Variants in AUTS2 observed in about 807,000 individuals in gnomAD.
AUTS2 encodes autism susceptibility gene 2 protein.
In AUTS2, 17 loss-of-function variants were observed where a neutral mutation model predicts 112.4. That is an observed-to-expected ratio of 0.15 (90% confidence interval 0.10 to 0.23). The LOEUF (loss-of-function observed/expected upper bound fraction) is 0.23. Ranked by LOEUF, AUTS2 falls within the 10% of genes least tolerant of loss-of-function variation. The pLI is 1.00. For synonymous variants in AUTS2, 751 were observed against 702.7 expected (o/e 1.07, Z -1.09); for missense variants, 1,510 against 1,701.6 (o/e 0.89, Z 1.98).
At chr7:70,224,852 C>T (rs1224309296) in intron 4 of AUTS2, among the ~76,000 whole-genome samples, 2 of 152,172 alleles carry the variant, frequency 1.3e-5, no homozygotes, top group East Asian at 1.9e-4. Flanking sequence ...GTTACAGTTG[C>T]CTACAGTATT....
chr7:70,700,756 G>A (rs1051225713), intron 6 of AUTS2, among the ~76,000 whole-genome samples: 2 of 152,172 alleles, frequency 1.3e-5, no homozygotes, highest in Non-Finnish European at 2.9e-5. Flanking sequence ...CTCCTTATAG[G>A]CTTGTGGTTT....
chr7:70,603,883 A>G (rs1803598479), intron 5 of AUTS2, among the ~76,000 whole-genome samples: 1 of 152,088 alleles, frequency 6.6e-6, no homozygotes, highest in African/African-American at 2.4e-5. Flanking sequence ...ATTGAGGACT[A>G]GCAGCCAGGT....
intron 2 of AUTS2, among the ~76,000 whole-genome samples, chr7:70,030,615 T>G (rs1187642955): frequency 6.6e-6 from 1 of 152,156 alleles, no homozygotes. Flanking sequence ...AGGACTAGCC[T>G]TCTCTTATAC....
At chr7:70,027,554 C>T (rs1367906028) in intron 2 of AUTS2, among the ~76,000 whole-genome samples, 1 of 152,142 alleles carries the variant, frequency 6.6e-6, no homozygotes, top group Non-Finnish European at 1.5e-5. Context: ...AAACTTAAGA[C>T]ACTATATAAA....
At position 70,766,501 on chromosome 7, in the gene AUTS2, T is replaced by G. The variant is rs10256875; in HGVS notation, c.1689+167T>G. 4.7e-3 allele frequency: 4,133 copies of G among 888,706 alleles called. 112 individuals carry two copies. In the African/African-American group the frequency reaches 0.06, roughly 13 times the overall value. 55.1% of individuals were successfully genotyped at this position (888,706 alleles called of 1,614,324 possible). ...CCTAGTGCCCTGCCTCAGGCAGCTCTGACTTCAGGGGCCTAAAGTAGGAAC... is the reference window on the plus strand; with the variant it reads ...CCTAGTGCCCTGCCTCAGGCAGCTCGGACTTCAGGGGCCTAAAGTAGGAAC... On this transcript the variant is annotated intron_variant, in intron 9 of 18. Coordinates refer to ENST00000342771, the MANE Select transcript of AUTS2 (RefSeq NM_015570.4). The surrounding 1 kb of genome is among the most constrained non-coding windows in gnomAD (Gnocchi z 4.8).
chr7:70,473,661 G>A (rs1269606975), intron 5 of AUTS2, among the ~76,000 whole-genome samples: 1 of 151,818 alleles, frequency 6.6e-6, no homozygotes, highest in Non-Finnish European at 1.5e-5. Flanking sequence ...CTTCCTCACT[G>A]GAGTCAAGAG....
At chr7:69,981,471 AT>A (rs1428157498) in intron 2 of AUTS2, among the ~76,000 whole-genome samples, 4 of 152,170 alleles carry the variant, frequency 2.6e-5, no homozygotes, top group Non-Finnish European at 5.9e-5. Flanking sequence ...AATATTTCAA[AT>A]TAATTAATTT....
chr7:70,677,063 A>T (rs1807951127), intron 5 of AUTS2, among the ~76,000 whole-genome samples: 1 of 152,142 alleles, frequency 6.6e-6, no homozygotes, highest in East Asian at 1.9e-4. Context: ...CTCCTAAATC[A>T]GCGATCCACC....
chr7:70,039,885 G>T (rs1801169675), intron 2 of AUTS2, among the ~76,000 whole-genome samples: 1 of 152,168 alleles, frequency 6.6e-6, no homozygotes, highest in Non-Finnish European at 1.5e-5. Context: ...ATCCAGTCTT[G>T]CTGGGTACAG....
intron 1 of AUTS2, among the ~76,000 whole-genome samples, chr7:69,687,504 A>G (rs1316309402): frequency 6.6e-6 from 1 of 152,154 alleles, no homozygotes; most frequent in Non-Finnish European, 1.5e-5. Context: ...TCTCTTATCT[A>G]AGGTAACTAG....
At chr7:69,765,964 T>A (rs1454924894) in intron 1 of AUTS2, among the ~76,000 whole-genome samples, 1 of 152,032 alleles carries the variant, frequency 6.6e-6, no homozygotes, top group Non-Finnish European at 1.5e-5. Flanking sequence ...GAATTAAAAT[T>A]TGTGGTACAA....
At chr7:69,883,917 G>A (rs563232738) in intron 1 of AUTS2, among the ~76,000 whole-genome samples, 5 of 152,332 alleles carry the variant, frequency 3.3e-5, no homozygotes, top group Middle Eastern at 3.4e-3. Context: ...TTCATAGGCT[G>A]TGATGGGGAT....
chr7:70,729,279 T>C (rs1450677242), intron 6 of AUTS2: 2 of 435,416 alleles, frequency 4.6e-6, no homozygotes, highest in Admixed American at 4.9e-5. Flanking sequence ...CCTCTGCCTC[T>C]CTCCACTTCC....
chr7:69,761,501 G>A (rs992374486), intron 1 of AUTS2, among the ~76,000 whole-genome samples: 2 of 152,068 alleles, frequency 1.3e-5, no homozygotes, highest in Non-Finnish European at 1.5e-5. Context: ...CCTGTTAGTC[G>A]TTTTGTGAGA....
chr7:69,886,295 C>A (rs1794268737), intron 1 of AUTS2, among the ~76,000 whole-genome samples: 2 of 152,300 alleles, frequency 1.3e-5, no homozygotes, highest in South Asian at 4.1e-4. Context: ...TGCACATCTT[C>A]AATAGGAAGT....
intron 3 of AUTS2, among the ~76,000 whole-genome samples, chr7:70,121,794 A>G (rs1805695540): frequency 6.6e-6 from 1 of 152,202 alleles, no homozygotes; most frequent in Non-Finnish European, 1.5e-5. Flanking sequence ...GCTGAAACAT[A>G]TAATTACCAT....
chr7:70,027,115 C>A (rs1024858358), intron 2 of AUTS2, among the ~76,000 whole-genome samples: 2 of 152,018 alleles, frequency 1.3e-5, no homozygotes, highest in Non-Finnish European at 2.9e-5. Flanking sequence ...AAGGTATGCT[C>A]GGCTAAGGTC....
chr7:70,773,872 G>C lies in AUTS2; in HGVS notation c.1831-156G>C, dbSNP rs55838430. 0.34 allele frequency among the ~76,000 whole-genome samples: 52,233 copies of C among 152,104 alleles called. 10,401 individuals are homozygous for C. The highest frequency in any genetic ancestry group is 0.46 in the Middle Eastern group (135 of 294). On this transcript the variant is annotated intron_variant, in intron 11 of 18. Transcript: ENST00000342771. ...GCTGTGGTCAGGCCCCCTTGAGAAA[G>C]AGCATGTGTGGTCCCTGAGAAAAAT...
chr7:70,640,210 T>G (rs1805740421), intron 5 of AUTS2, among the ~76,000 whole-genome samples: 1 of 152,046 alleles, frequency 6.6e-6, no homozygotes, highest in Non-Finnish European at 1.5e-5. Flanking sequence ...GACATTCATC[T>G]CTTTCGAAAA....
Sources: allele counts gnomAD v4.1 joint callset (sites outside exome capture counted in the v4.1 genomes callset), GRCh38; gene constraint gnomAD v4.1.1; non-coding constraint Gnocchi (gnomAD v3.1); transcripts MANE v1.5; gene names NCBI Gene and HGNC (gene_info 2026-07-23, HGNC 2026-07-21).